The following UBXN7 variants were observed in gnomAD, a reference collection of about 807,000 sequenced individuals.
The protein encoded by UBXN7 is UBX domain protein 7.
Under a neutral mutation model 58.0 loss-of-function variants are expected in UBXN7, and 9 were observed. The observed-to-expected ratio is 0.16, with a 90% CI of 0.09 to 0.27. The LOEUF (loss-of-function observed/expected upper bound fraction) is 0.27. UBXN7 is among the 10% of genes least tolerant of loss of function. The probability of loss-of-function intolerance (pLI) is 1.00; values close to 1 mark genes in which losing one functional copy is unlikely to be tolerated. For missense variants in UBXN7, 328 were observed against 599.6 expected, an observed-to-expected ratio of 0.55 and a Z score of 4.73; for synonymous variants, 208 against 205.0, an observed-to-expected ratio of 1.01 and a Z score of -0.12.
Position 196,362,241 on chromosome 3 carries a change from C to T in UBXN7, c.1228+53G>A, listed in dbSNP as rs151325708. The T allele has an allele frequency of 4.8e-3, 7,433 of 1,536,674 alleles. 281 individuals are homozygous for T. In the South Asian group the frequency reaches 0.071, roughly 15 times the overall value. On this transcript the variant is annotated intron_variant, in intron 9 of 10. Coordinates refer to ENST00000296328, the MANE Select transcript of UBXN7 (RefSeq NM_015562.2). ...AACTCCTAACCTCAGTGATCCACCA[C>T]GCCCGGCCCCAATATCTAAGTTTGA...
rs558530730 is a variant in UBXN7, at chr3:196,363,201, CACATACATACAT to C, written c.835-526_835-515del. Among the ~76,000 whole-genome samples the C allele has an allele frequency of 7.6e-3, 1,061 of 139,334 alleles. 9 individuals carry two copies. Among genetic ancestry groups the C allele is most frequent in the African/African-American group, 0.024 (928 of 38,334 alleles). The allele number at this position is 139,334 out of a possible 152,430, so 91.4% of individuals were successfully genotyped here. ...TACAGGCGTGAGACACCGCACCTGG[CACATACATACAT>C]ACATACATACATACATACATACATA... On this transcript the variant is annotated intron_variant, in intron 8 of 10. Transcript: ENST00000296328.
At chr3:196,384,982 A>G (rs1455692734) in intron 5 of UBXN7, among the ~76,000 whole-genome samples, 1 of 152,156 alleles carries the variant, frequency 6.6e-6, no homozygotes, top group East Asian at 1.9e-4. Flanking sequence ...AATAAAGGGT[A>G]TTCAATTAGG....
chr3:196,386,916 CA>C (rs1488440024), intron 5 of UBXN7, among the ~76,000 whole-genome samples: 1 of 152,092 alleles, frequency 6.6e-6, no homozygotes, highest in African/African-American at 2.4e-5. Context: ...CAATCCTAAG[CA>C]AAAAGAACAA....
intron 1 of UBXN7, among the ~76,000 whole-genome samples, chr3:196,410,592 G>A (rs935493589): frequency 6.6e-6 from 1 of 152,174 alleles, no homozygotes; most frequent in African/African-American, 2.4e-5. Flanking sequence ...GGGAGGCCAA[G>A]GTGGGCAGAT....
chr3:196,382,843 C>T (rs1317145283), intron 5 of UBXN7, among the ~76,000 whole-genome samples: 1 of 152,104 alleles, frequency 6.6e-6, no homozygotes, highest in East Asian at 1.9e-4. Context: ...TGGCCGGGCA[C>T]AATGGCTCAT....
At chr3:196,371,819 A>C in intron 6 of UBXN7, 77 bp downstream of exon 6, 2 of 1,533,084 alleles carry the variant, frequency 1.3e-6, no homozygotes, top group South Asian at 2.5e-5. Context: ...ATTCATTATA[A>C]CCCAATTCCT....
chr3:196,397,932 T>A (rs962349229), intron 3 of UBXN7, among the ~76,000 whole-genome samples: 2 of 152,228 alleles, frequency 1.3e-5, no homozygotes, highest in Admixed American at 1.3e-4. Flanking sequence ...TAAAACCCAC[T>A]GTACTATGTG....
chr3:196,388,740 A>C (rs2108843862), intron 5 of UBXN7, among the ~76,000 whole-genome samples: 1 of 152,316 alleles, frequency 6.6e-6, no homozygotes, highest in Non-Finnish European at 1.5e-5. Flanking sequence ...TGGTCAGCCA[A>C]AGAGTATCCC....
In UBXN7 at chr3:196,352,562, A is replaced by G. The variant is rs1342513084; in HGVS notation, c.*4123T>C. 1 of 152,172 alleles carries G rather than the reference A, an allele frequency of 6.6e-6. No individual in the cohort carries two copies. Among genetic ancestry groups the G allele is most frequent in the African/African-American group, 2.4e-5 (1 of 41,448 alleles). The allele number at this position is 152,172 out of a possible 1,614,324, so 9.4% of individuals were successfully genotyped here. On this transcript the variant is annotated 3_prime_UTR_variant, in exon 11 of 11. Transcript: ENST00000296328. This position sits in a 1 kb window ranked among gnomAD's most constrained non-coding sequence, Gnocchi z 4.1. ...CACCTGGCCAGGAATTAGATCTCAG[A>G]TTTCAAAATACTTCCAACTTCTATA...
chr3:196,402,929 C>T lies in UBXN7; in HGVS notation c.289+23G>A, dbSNP rs762480517. The T allele has an allele frequency of 1.1e-5, 17 of 1,586,164 alleles. No homozygotes were observed. In the Admixed American group the frequency reaches 1.8e-4, roughly 17 times the overall value. ...TCCTAAAGAACAAAATCAAATAAGG[C>T]TAAGGGAAAAAAGTGAACTTACCAC... On this transcript the variant is annotated intron_variant, in intron 3 of 10. Transcript: ENST00000296328.
chr3:196,385,796 G>A (rs1375817558), intron 5 of UBXN7, among the ~76,000 whole-genome samples: 1 of 144,412 alleles, frequency 6.9e-6, no homozygotes. Flanking sequence ...GGAAGTGGGG[G>A]GGGTGGGGGC....
chr3:196,369,491 T>C lies in UBXN7; in HGVS notation c.636A>G (p.Glu212=). ...TATAAAACTGTATGTATCTCTGACC[T>C]TCCTCACTGTCATGATAAACCTGTT... ...IFWQVYHDSE[E]GQRYIQFYKL... The change falls in exon 7 of 11, where the codon GAA becomes GAG. Residue 212 remains glutamate, a synonymous_variant. Transcript: ENST00000296328. The C allele has an allele frequency of 6.2e-7, 1 of 1,612,778 alleles. No individual in the cohort carries two copies. Among genetic ancestry groups the C allele is most frequent in the Non-Finnish European group, 8.5e-7 (1 of 1,179,488 alleles).
chr3:196,410,627 GC>G (rs1171622788), intron 1 of UBXN7, among the ~76,000 whole-genome samples: 5 of 152,124 alleles, frequency 3.3e-5, no homozygotes, highest in African/African-American at 1.2e-4. Flanking sequence ...TTCAAGACCA[GC>G]CTGGCCAAGA....
chr3:196,359,328 C>T lies in UBXN7; in HGVS notation c.1309-2482G>A, dbSNP rs566884198. Among the ~76,000 whole-genome samples the T allele has an allele frequency of 3.4e-4, 51 of 152,236 alleles. 1 individual carries two copies. Among genetic ancestry groups the T allele is most frequent in the African/African-American group, 1.2e-3 (50 of 41,550 alleles). ...GACTGCTCCACCTAATGGGAGTTTT[C>T]CCATCTCTCTCCCTCTATTCAGGCC... On this transcript the variant is annotated intron_variant, in intron 10 of 10. Coordinates refer to ENST00000296328, the MANE Select transcript of UBXN7 (RefSeq NM_015562.2).
intron 1 of UBXN7, among the ~76,000 whole-genome samples, chr3:196,414,992 C>T (rs1730436868): frequency 6.6e-6 from 1 of 152,122 alleles, no homozygotes; most frequent in African/African-American, 2.4e-5. Flanking sequence ...CCTTATGTAA[C>T]TAAATACAAA....
chr3:196,417,772 A>G (rs1032222461), intron 1 of UBXN7, among the ~76,000 whole-genome samples: 1 of 147,706 alleles, frequency 6.8e-6, no homozygotes, highest in Non-Finnish European at 1.5e-5. Context: ...CTCTACAAAA[A>G]AGATTAGCCA....
At chr3:196,366,132 AT>A (rs1173876004) in intron 8 of UBXN7, among the ~76,000 whole-genome samples, 2 of 152,190 alleles carry the variant, frequency 1.3e-5, no homozygotes, top group East Asian at 3.9e-4. Context: ...GGCCAACAAG[AT>A]TTCTATACTA....
intron 5 of UBXN7, among the ~76,000 whole-genome samples, chr3:196,387,091 T>C (rs1729429522): frequency 6.6e-6 from 1 of 151,984 alleles, no homozygotes; most frequent in African/African-American, 2.4e-5. Flanking sequence ...AAAACAGATA[T>C]ACAGACCAAT....
intron 10 of UBXN7, among the ~76,000 whole-genome samples, chr3:196,358,942 T>C (rs1333239613): frequency 6.6e-6 from 1 of 151,470 alleles, no homozygotes; most frequent in Admixed American, 6.6e-5. Flanking sequence ...ATTACAGGAG[T>C]GAGCCACTGC....
Sources: allele counts gnomAD v4.1 joint callset (sites outside exome capture counted in the v4.1 genomes callset), GRCh38; gene constraint gnomAD v4.1.1; non-coding constraint Gnocchi (gnomAD v3.1); transcripts MANE v1.5; gene names NCBI Gene and HGNC (gene_info 2026-07-23, HGNC 2026-07-21).